The following CFTR variants were observed in gnomAD, a reference collection of about 807,000 sequenced individuals.
CFTR encodes the protein cystic fibrosis transmembrane conductance regulator.
CFTR carries 181 observed loss-of-function variants against 171.6 expected under a neutral mutation model. That is an observed-to-expected ratio of 1.05 (90% CI 0.93 to 1.19). The LOEUF (loss-of-function observed/expected upper bound fraction) is 1.19. CFTR is among the 50% of genes most tolerant of loss of function. CFTR has a pLI of 0.00. For synonymous variants in CFTR, 583 were observed against 608.0 expected (o/e 0.96, Z 0.60); for missense variants, 1,968 against 1,734.7 (o/e 1.13, Z -2.39).
chr7:117,610,435 A>C (rs950705382), intron 18 of CFTR, 84 bp from the exon 19 acceptor site: 1 of 1,290,262 alleles, frequency 7.8e-7, no homozygotes, highest in Non-Finnish European at 1.1e-6. Context: ...CAAAAAAAAA[A>C]AAAGAAATAA....
At chr7:117,597,078 G>GAATAA (rs1419621267) in intron 15 of CFTR, among the ~76,000 whole-genome samples, 1 of 152,212 alleles carries the variant, frequency 6.6e-6, no homozygotes, top group East Asian at 1.9e-4. Context: ...GCCTGAGCCA[G>GAATAA]AAGTGGCAAC....
At position 117,531,754 on chromosome 7, in the gene CFTR, A is replaced by G. The variant is rs35189260; in HGVS notation, c.489+640A>G. Among the ~76,000 whole-genome samples, 861 of 152,310 alleles carry G rather than the reference A, an allele frequency of 5.7e-3. 9 individuals carry two copies. The highest frequency in any genetic ancestry group is 0.02 in the African/African-American group (819 of 41,574). On this transcript the variant is annotated intron_variant, in intron 4 of 26. Transcript: ENST00000003084. Reference sequence around the variant, plus strand: ...ATTAACATTTAGCTACCTTACAACCACAATTCAAGGTTGTTTCAAAGGCAT... The same window carrying G: ...ATTAACATTTAGCTACCTTACAACCGCAATTCAAGGTTGTTTCAAAGGCAT...
chr7:117,517,826 C>CAT (rs60923902), intron 3 of CFTR, among the ~76,000 whole-genome samples: 38,246 of 151,952 alleles, frequency 0.25, 5,062 homozygotes, highest in East Asian at 0.42. Context: ...AGCTTCTTTT[C>CAT]ATGTTTGTTG....
intron 22 of CFTR, among the ~76,000 whole-genome samples, chr7:117,631,145 T>C (rs1228036833): frequency 1.3e-5 from 2 of 152,046 alleles, no homozygotes; most frequent in African/African-American, 2.4e-5. Flanking sequence ...ACCTCCAATT[T>C]TGGATTTTGA....
intron 1 of CFTR, among the ~76,000 whole-genome samples, chr7:117,501,747 C>CAAAAAAAAAAAAAAAAAAAAAAGAAA (rs1798330196): frequency 2.3e-5 from 1 of 43,902 alleles, no homozygotes; most frequent in Non-Finnish European, 4.8e-5. Flanking sequence ...AACTCTGTCT[C>CAAAAAAAAAAAAAAAAAAAAAAGAAA]AAAAAAAAAA....
At chr7:117,644,487 T>C (rs1164555968) in intron 23 of CFTR, among the ~76,000 whole-genome samples, 2 of 152,316 alleles carry the variant, frequency 1.3e-5, no homozygotes, top group Middle Eastern at 3.4e-3. Context: ...TCTGTTTTTT[T>C]CTTCCTTCCA....
intron 3 of CFTR, among the ~76,000 whole-genome samples, chr7:117,513,757 A>G (rs1174500212): frequency 1.3e-5 from 2 of 152,166 alleles, no homozygotes; most frequent in African/African-American, 2.4e-5. Flanking sequence ...AATGTCTGCC[A>G]TGTAGAATTC....
chr7:117,509,897 G>T (rs574699117), intron 3 of CFTR, among the ~76,000 whole-genome samples: 1 of 152,068 alleles, frequency 6.6e-6, no homozygotes, highest in Non-Finnish European at 1.5e-5. Context: ...TTTGCTTTGG[G>T]GCGTTTACTT....
At chr7:117,604,641 G>A (rs985875895) in intron 17 of CFTR, 1 of 152,116 alleles carries the variant, frequency 6.6e-6, no homozygotes, top group Non-Finnish European at 1.5e-5. Context: ...TATATTTTCT[G>A]GGTAACAAAA....
chr7:117,607,375 G>T (rs1792315481), intron 18 of CFTR, among the ~76,000 whole-genome samples: 1 of 152,170 alleles, frequency 6.6e-6, no homozygotes. Flanking sequence ...TGGGGTGACT[G>T]ATTGGTGGTG....
intron 12 of CFTR, among the ~76,000 whole-genome samples, chr7:117,588,914 A>C (rs1347051159): frequency 3.9e-5 from 6 of 152,128 alleles, no homozygotes; most frequent in Non-Finnish European, 8.8e-5. Context: ...CGGATAATTC[A>C]CAGGCTTCTA....
chr7:117,576,235 C>A (rs994025930), intron 11 of CFTR, among the ~76,000 whole-genome samples: 2 of 152,028 alleles, frequency 1.3e-5, no homozygotes, highest in Admixed American at 6.6e-5. Context: ...CCCTTTGTAT[C>A]TTTGAGTTTC....
intron 21 of CFTR, among the ~76,000 whole-genome samples, chr7:117,620,547 A>G (rs1461160050): frequency 1.3e-5 from 2 of 152,202 alleles, no homozygotes; most frequent in Non-Finnish European, 2.9e-5. Context: ...AGAACTCTGA[A>G]CCAGTGTGTT....
chr7:117,631,576 C>T (rs35031429), intron 22 of CFTR, among the ~76,000 whole-genome samples: 2 of 152,006 alleles, frequency 1.3e-5, no homozygotes, highest in East Asian at 1.9e-4. Flanking sequence ...TGAAGCCACC[C>T]GATAAGCCTT....
chr7:117,561,703 A>G (rs1040007204), intron 11 of CFTR, among the ~76,000 whole-genome samples: 1 of 152,140 alleles, frequency 6.6e-6, no homozygotes, highest in Non-Finnish European at 1.5e-5. Context: ...TGTGTAGAAC[A>G]TGAATCATAT....
intron 11 of CFTR, among the ~76,000 whole-genome samples, chr7:117,566,283 A>ACACG (rs1791601279): frequency 6.6e-6 from 1 of 150,434 alleles, no homozygotes; most frequent in Non-Finnish European, 1.5e-5. Flanking sequence ...ACACACACAC[A>ACACG]CACTAGCCAG....
intron 23 of CFTR, among the ~76,000 whole-genome samples, chr7:117,648,158 C>G (rs985162945): frequency 6.6e-6 from 1 of 150,564 alleles, no homozygotes; most frequent in Non-Finnish European, 1.5e-5. Context: ...CATATATACA[C>G]GCACACACAC....
chr7:117,657,722 C>A (rs895593802), intron 24 of CFTR, among the ~76,000 whole-genome samples: 1 of 152,190 alleles, frequency 6.6e-6, no homozygotes, highest in Non-Finnish European at 1.5e-5. Flanking sequence ...TGACTAGTAT[C>A]TCTAGAGGTA....
chr7:117,614,588 A>G, intron 20 of CFTR, 25 bp from the exon 21 acceptor site: 1 of 1,448,714 alleles, frequency 6.9e-7, no homozygotes, highest in Non-Finnish European at 9.7e-7. Flanking sequence ...CATGAGGTTC[A>G]TTTACGTCTT....
Sources: allele counts gnomAD v4.1 joint callset (sites outside exome capture counted in the v4.1 genomes callset), GRCh38; gene constraint gnomAD v4.1.1; transcripts MANE v1.5; gene names NCBI Gene and HGNC (gene_info 2026-07-23, HGNC 2026-07-21).